The following ZNF83 variants were observed in gnomAD, a reference collection of about 807,000 sequenced individuals.
ZNF83 encodes the protein zinc finger protein 816B.
For missense variants in ZNF83, 552 were observed against 629.9 expected, an observed-to-expected ratio of 0.88 and a Z score of 1.32; for synonymous variants, 209 against 213.0, an observed-to-expected ratio of 0.98 and a Z score of 0.17.
upstream of ZNF83, among the ~76,000 whole-genome samples, chr19:52,640,799 G>A (rs117212710): frequency 1.1e-3 from 163 of 152,254 alleles, 1 homozygote; most frequent in East Asian, 0.024. Flanking sequence ...CAACTTAAGA[G>A]GAAAAACGAT....
chr19:52,638,927 C>T (rs999842355), upstream of ZNF83, among the ~76,000 whole-genome samples: 1 of 152,190 alleles, frequency 6.6e-6, no homozygotes, highest in Non-Finnish European at 1.5e-5. Flanking sequence ...GAGTTCAGGC[C>T]AGCCTGGGCG....
At chr19:52,662,055 G>A (rs2061587817) in intron 1 of ZNF83, among the ~76,000 whole-genome samples, 2 of 152,082 alleles carry the variant, frequency 1.3e-5, no homozygotes, top group South Asian at 4.1e-4. Flanking sequence ...GGGAGGTCCT[G>A]GGAGCACAGA....
At position 52,662,632 on chromosome 19, in the gene ZNF83, T is replaced by A. The variant is rs572385192; in HGVS notation, c.-282-1789A>T. Among the ~76,000 whole-genome samples, 258 of 152,306 alleles carry A rather than the reference T, an allele frequency of 1.7e-3. 1 individual carries two copies. Among genetic ancestry groups the A allele is most frequent in the African/African-American group, 5.8e-3 (241 of 41,556 alleles). On this transcript the variant is annotated intron_variant, in intron 1 of 5. Coordinates refer to the ZNF83 transcript ENST00000594682. Reference sequence around the variant, plus strand: ...TACACCTGAGCATTACCATCTCGTATAGAAAAAGCCACAAACTATTTGGCC... The same window carrying A: ...TACACCTGAGCATTACCATCTCGTAAAGAAAAAGCCACAAACTATTTGGCC...
In ZNF83 at chr19:52,687,389, A is replaced by ATATAAATTATAATTTATAT. The variant is rs1568588083; in HGVS notation, c.-283+3053_-283+3054insATATAAATTATAATTTATA. Among the ~76,000 whole-genome samples the ATATAAATTATAATTTATAT allele has an allele frequency of 7.6e-3, 338 of 44,340 alleles. 143 individuals carry two copies. The African/African-American group carries it at 0.082, about 11-fold the overall frequency. 29.1% of individuals were successfully genotyped at this position (44,340 alleles called of 152,430 possible). A position where few individuals can be genotyped will look rare whatever the true frequency, so the allele number is the denominator to read the frequency against. ...ATAATATAAATTATAATTTATATAT[A>ATATAAATTATAATTTATAT]TATAATTTATATAGCTATATAAATT... On this transcript the variant is annotated intron_variant, in intron 1 of 5. Coordinates refer to the ZNF83 transcript ENST00000594682.
intron 2 of ZNF83, among the ~76,000 whole-genome samples, chr19:52,620,220 G>A (rs1181179225): frequency 7.3e-6 from 1 of 137,114 alleles, no homozygotes; most frequent in Non-Finnish European, 1.6e-5. Flanking sequence ...ATACGTATGT[G>A]TGTATGTGTA....
In ZNF83 at chr19:52,627,360, A is replaced by T. The variant is rs1278169761; in HGVS notation, c.-234+7706T>A. ...GGAGGGTGGGAGGAAGGAGAGGCATAAAAAAGAAAAACTATTGGGGGCCAG... is the reference window on the plus strand; with the variant it reads ...GGAGGGTGGGAGGAAGGAGAGGCATTAAAAAGAAAAACTATTGGGGGCCAG... On this transcript the variant is annotated intron_variant, in intron 2 of 2. Transcript: ENST00000301096. 7.3e-5 allele frequency among the ~76,000 whole-genome samples: 7 copies of T among 95,864 alleles called. No individual in the cohort carries two copies. In the South Asian group the frequency reaches 1.6e-3, roughly 22 times the overall value. 62.9% of individuals were successfully genotyped at this position (95,864 alleles called of 152,430 possible). A position where few individuals can be genotyped will look rare whatever the true frequency, so the allele number is the denominator to read the frequency against.
exon 3 of ZNF83, chr19:52,612,965 T>C: frequency 6.8e-7 from 1 of 1,472,068 alleles, no homozygotes; most frequent in South Asian, 1.4e-5. Flanking sequence ...CCAGTATAAA[T>C]TATTGTATGT....
intron 2 of ZNF83, among the ~76,000 whole-genome samples, chr19:52,630,520 G>A (rs2060916236): frequency 6.6e-6 from 1 of 152,072 alleles, no homozygotes; most frequent in South Asian, 2.1e-4. Flanking sequence ...CACCTGCCCA[G>A]TTCCCTTGTT....
chr19:52,681,687 G>A (rs2147352707), intron 1 of ZNF83, among the ~76,000 whole-genome samples: 1 of 152,260 alleles, frequency 6.6e-6, no homozygotes, highest in East Asian at 1.9e-4. Flanking sequence ...ATTCAGATTT[G>A]AATATAACCA....
intron 1 of ZNF83, among the ~76,000 whole-genome samples, chr19:52,637,521 G>C (rs2061190132): frequency 6.6e-6 from 1 of 151,964 alleles, no homozygotes; most frequent in Admixed American, 6.6e-5. Context: ...TTCTCCTCCT[G>C]CTTTCTTTTT....
At chr19:52,681,562 T>C (rs1365894753) in intron 1 of ZNF83, among the ~76,000 whole-genome samples, 2 of 152,202 alleles carry the variant, frequency 1.3e-5, no homozygotes, top group African/African-American at 4.8e-5. Flanking sequence ...AATAACATAC[T>C]GTCCCATGAA....
rs374033224 is a variant in ZNF83, at chr19:52,657,055, G to A, written c.-200-1368C>T. Among the ~76,000 whole-genome samples the A allele has an allele frequency of 1.6e-4, 25 of 152,068 alleles. No individual in the cohort carries two copies. The East Asian group carries it at 4.1e-3, about 25-fold the overall frequency. Reference sequence around the variant, plus strand: ...TGCTTGAGCCTGGAGAGCAGAGTTTGAAGTGATCCAAGATTGCACCACTGC... The same window carrying A: ...TGCTTGAGCCTGGAGAGCAGAGTTTAAAGTGATCCAAGATTGCACCACTGC... On this transcript the variant is annotated intron_variant, in intron 2 of 5. Transcript: ENST00000594682.
At chr19:52,647,367 T>C (rs1436038387) in intron 3 of ZNF83, among the ~76,000 whole-genome samples, 2 of 152,186 alleles carry the variant, frequency 1.3e-5, no homozygotes, top group African/African-American at 2.4e-5. Context: ...CAAGTAATCA[T>C]ATCCAATGAA....
chr19:52,632,728 T>C (rs1295414580), intron 2 of ZNF83, among the ~76,000 whole-genome samples: 1 of 152,206 alleles, frequency 6.6e-6, no homozygotes, highest in Non-Finnish European at 1.5e-5. Context: ...CAATTCTTAG[T>C]CCTTTAATAC....
chr19:52,685,769 G>T (rs1040969770), intron 1 of ZNF83, among the ~76,000 whole-genome samples: 4 of 151,922 alleles, frequency 2.6e-5, no homozygotes, highest in African/African-American at 9.7e-5. Flanking sequence ...ATGGTGGCAG[G>T]CAACTGTAAT....
intron 3 of ZNF83, among the ~76,000 whole-genome samples, chr19:52,643,568 G>A (rs187956531): frequency 6.5e-4 from 99 of 152,118 alleles, no homozygotes; most frequent in African/African-American, 2.3e-3. Context: ...GGGTGTTGTG[G>A]CATGCACCTG....
intron 1 of ZNF83, among the ~76,000 whole-genome samples, chr19:52,661,489 C>T (rs1254116850): frequency 1.3e-5 from 2 of 152,284 alleles, no homozygotes; most frequent in Non-Finnish European, 2.9e-5. Context: ...GGGGAAACTG[C>T]CTTGATGTTC....
intron 1 of ZNF83, among the ~76,000 whole-genome samples, chr19:52,683,954 G>C (rs1351555240): frequency 1.3e-5 from 2 of 152,104 alleles, no homozygotes; most frequent in African/African-American, 4.8e-5. Context: ...GTGTTTCTGG[G>C]CGGGCACAGT....
chr19:52,620,320 G>C (rs999327662), intron 2 of ZNF83, among the ~76,000 whole-genome samples: 24 of 130,406 alleles, frequency 1.8e-4, no homozygotes, highest in African/African-American at 7.2e-4. Context: ...AACTGAAGAG[G>C]AATCTCATCT....
Sources: allele counts gnomAD v4.1 joint callset (sites outside exome capture counted in the v4.1 genomes callset), GRCh38; gene constraint gnomAD v4.1.1; transcripts MANE v1.5; gene names NCBI Gene and HGNC (gene_info 2026-07-23, HGNC 2026-07-21).